KCTD1: variants seen among roughly 807,000 people sequenced by gnomAD.
KCTD1 encodes BTB/POZ domain-containing protein KCTD1.
Under a neutral mutation model 66.0 loss-of-function variants are expected in KCTD1, and 24 were observed. The ratio of observed to expected loss-of-function variants is 0.36; its 90% CI spans 0.26 to 0.51. The LOEUF (loss-of-function observed/expected upper bound fraction) is 0.51, where lower values mean the gene tolerates loss of function less well. Ranked by LOEUF, KCTD1 falls within the 20% of genes least tolerant of loss-of-function variation. KCTD1 has a pLI of 0.95. For missense variants in KCTD1, 943 were observed against 1,205.2 expected, an observed-to-expected ratio of 0.78 and a Z score of 3.22; for synonymous variants, 511 against 517.2, an observed-to-expected ratio of 0.99 and a Z score of 0.16.
In KCTD1 at chr18:26,459,941, GTA is replaced by G; in HGVS notation, c.2134-18_2134-17del. On this transcript the variant is annotated splice_polypyrimidine_tract_variant and intron_variant, in intron 3 of 4. Coordinates refer to ENST00000580059, the MANE Select transcript of KCTD1 (RefSeq NM_001142730.3). ...AAGTGTAGTCCTGGAAAAAAAAAAGGTATTTCACAGTGCAAACTGCAAACATA... is the reference window on the plus strand; with the variant it reads ...AAGTGTAGTCCTGGAAAAAAAAAAGGTTTCACAGTGCAAACTGCAAACATA... 3.9e-6 allele frequency: 6 copies of G among 1,536,446 alleles called. No individual in the cohort carries two copies. The highest frequency in any genetic ancestry group is 5.3e-6 in the Non-Finnish European group (6 of 1,139,754).
intron 2 of KCTD1, among the ~76,000 whole-genome samples, chr18:26,491,782 C>A (rs915900266): frequency 6.6e-6 from 1 of 152,156 alleles, no homozygotes; most frequent in African/African-American, 2.4e-5. Context: ...GTGAAGGCTG[C>A]CTTGAGAAGA....
At chr18:26,514,512 T>C (rs1360696258) in intron 1 of KCTD1, among the ~76,000 whole-genome samples, 1 of 145,088 alleles carries the variant, frequency 6.9e-6, no homozygotes, top group African/African-American at 2.6e-5. Context: ...ATCATGCCAC[T>C]GCATCCTAGC....
chr18:26,629,469 T>A (rs1450189805), upstream of KCTD1, among the ~76,000 whole-genome samples: 1 of 152,210 alleles, frequency 6.6e-6, no homozygotes, highest in African/African-American at 2.4e-5. Flanking sequence ...CAGACATTCA[T>A]GGATAAACAT....
At chr18:26,532,629 G>A (rs1470158950) in intron 1 of KCTD1, among the ~76,000 whole-genome samples, 1 of 152,186 alleles carries the variant, frequency 6.6e-6, no homozygotes, top group East Asian at 1.9e-4. Flanking sequence ...CTCCTCACCT[G>A]TGATGTCTGC....
At chr18:26,535,808 T>C (rs7234502) in intron 1 of KCTD1, among the ~76,000 whole-genome samples, 9,074 of 152,142 alleles carry the variant, frequency 0.06, 314 homozygotes, top group Middle Eastern at 0.11. Context: ...TCTTGGTAGG[T>C]AGGTGAATGT....
At chr18:26,562,990 C>T (rs565914374) in intron 1 of KCTD1, among the ~76,000 whole-genome samples, 5 of 152,280 alleles carry the variant, frequency 3.3e-5, no homozygotes, top group South Asian at 4.1e-4. Flanking sequence ...CAGTTCCGTC[C>T]GCAACACCAT....
intron 1 of KCTD1, among the ~76,000 whole-genome samples, chr18:26,586,468 A>C (rs527475140): frequency 2.6e-4 from 40 of 152,306 alleles, no homozygotes; most frequent in Non-Finnish European, 7.4e-5. Context: ...TATTGAAATT[A>C]GGCCAACTAA....
intron 1 of KCTD1, among the ~76,000 whole-genome samples, chr18:26,512,507 T>C (rs537411647): frequency 1.1e-4 from 17 of 152,254 alleles, no homozygotes; most frequent in Non-Finnish European, 4.4e-5. Flanking sequence ...ATATAATAAA[T>C]GTGTTCATAA....
chr18:26,558,794 G>A (rs903192414), intron 1 of KCTD1, among the ~76,000 whole-genome samples: 5 of 151,998 alleles, frequency 3.3e-5, no homozygotes, highest in African/African-American at 4.8e-5. Context: ...ATGGTGGCAC[G>A]CACCTGTAGT....
chr18:26,528,751 C>T (rs1984291815), intron 1 of KCTD1, among the ~76,000 whole-genome samples: 4 of 152,228 alleles, frequency 2.6e-5, no homozygotes, highest in African/African-American at 9.6e-5. Context: ...GGCCTCATCT[C>T]ACTTGAAATC....
chr18:26,643,690 C>T (rs2339193), upstream of KCTD1, among the ~76,000 whole-genome samples: 2,318 of 152,148 alleles, frequency 0.015, 51 homozygotes, highest in African/African-American at 0.049. Flanking sequence ...TGGCCGGGTG[C>T]GGTGGCTCAC....
chr18:26,523,527 T>C (rs1984015946), intron 1 of KCTD1, among the ~76,000 whole-genome samples: 1 of 152,204 alleles, frequency 6.6e-6, no homozygotes, highest in African/African-American at 2.4e-5. Flanking sequence ...GGCTCAAGCC[T>C]GTAATTCCAG....
At chr18:26,477,393 C>T (rs1174510530) in intron 2 of KCTD1, among the ~76,000 whole-genome samples, 1 of 152,150 alleles carries the variant, frequency 6.6e-6, no homozygotes, top group Non-Finnish European at 1.5e-5. Context: ...TGGTGTGCTA[C>T]AGTTGAAGTG....
At chr18:26,599,658 AG>A in intron 1 of KCTD1, 4 of 1,475,940 alleles carry the variant, frequency 2.7e-6, no homozygotes, top group Non-Finnish European at 3.8e-6. Flanking sequence ...GAAATCACCC[AG>A]ATCCTTCGGC....
chr18:26,505,495 T>G (rs1174141910), intron 1 of KCTD1, among the ~76,000 whole-genome samples: 1 of 152,248 alleles, frequency 6.6e-6, no homozygotes, highest in African/African-American at 2.4e-5. Context: ...TGTCTTAACA[T>G]GAAGCTACTT....
At chr18:26,575,544 G>T (rs186957998) in intron 1 of KCTD1, 1 of 152,388 alleles carries the variant, frequency 6.6e-6, no homozygotes, top group African/African-American at 2.4e-5. Flanking sequence ...AGCCAGGTCA[G>T]AAATGGTGTG....
intron 1 of KCTD1, among the ~76,000 whole-genome samples, chr18:26,620,551 G>C (rs1987358139): frequency 6.8e-6 from 1 of 147,214 alleles, no homozygotes; most frequent in Non-Finnish European, 1.5e-5. Context: ...CTCCTCCCAC[G>C]TCAGTCTCCT....
chr18:26,578,896 C>T (rs1986289422), intron 1 of KCTD1, among the ~76,000 whole-genome samples: 1 of 152,124 alleles, frequency 6.6e-6, no homozygotes, highest in South Asian at 2.1e-4. Flanking sequence ...AACAGGGTAC[C>T]AATTACTTAA....
In KCTD1 at chr18:26,546,901, T is replaced by C. The variant is rs1445876268; in HGVS notation, c.1636A>G (p.Ile546Val). 6.7e-7 allele frequency: 1 copy of C among 1,484,412 alleles called. No homozygotes were observed. Among genetic ancestry groups the C allele is most frequent in the African/African-American group, 1.4e-5 (1 of 70,924 alleles). The allele number at this position is 1,484,412 out of a possible 1,614,324, so 92.0% of individuals were successfully genotyped here. A position where few individuals can be genotyped will look rare whatever the true frequency, so the allele number is the denominator to read the frequency against. ...LYESVFGSGEICGPTSPKRLC... is the reference protein window; with the variant it reads ...LYESVFGSGEVCGPTSPKRLC... ...CTTTTGGGGGAAGTGGGGCCGCAGATTTCCCCCGACCCGAACACAGACTCG... is the reference window on the plus strand; with the variant it reads ...CTTTTGGGGGAAGTGGGGCCGCAGACTTCCCCCGACCCGAACACAGACTCG... Residue 546 changes from isoleucine (I) to valine (V), a missense_variant, in exon 1 of 5, where the codon ATC becomes GTC. By Grantham distance (29) the Ile-to-Val change is conservative (BLOSUM62 3). Transcript: ENST00000580059.
Sources: gnomAD v4.1 joint callset for allele counts (sites outside exome capture counted in the v4.1 genomes callset) on GRCh38, gnomAD v4.1.1 for gene constraint, MANE v1.5 for transcripts, NCBI Gene and HGNC (gene_info 2026-07-23, HGNC 2026-07-21) for gene names.